The following EIF2A variants were observed in gnomAD, a reference collection of about 807,000 sequenced individuals.
EIF2A encodes the protein eukaryotic translation initiation factor 2A, also known as 65 kDa eukaryotic translation initiation factor 2A.
Under a neutral mutation model 75.2 loss-of-function variants are expected in EIF2A, and 62 were observed. The observed-to-expected ratio is 0.82, with a 90% CI of 0.67 to 1.02. The LOEUF (loss-of-function observed/expected upper bound fraction) is 1.02, where lower values mean the gene tolerates loss of function less well. Among genes scored for constraint, EIF2A ranks in the 50% least tolerant of loss-of-function variants. The probability of loss-of-function intolerance (pLI) is 0.00; values close to 1 mark genes in which losing one functional copy is unlikely to be tolerated. For missense variants in EIF2A, 611 were observed against 677.7 expected (o/e 0.90, Z 1.09); for synonymous variants, 207 against 239.0 (o/e 0.87, Z 1.23).
intron 1 of EIF2A, among the ~76,000 whole-genome samples, chr3:150,547,423 TTAGAAA>T (rs1384161122): frequency 6.6e-6 from 1 of 152,198 alleles, no homozygotes; most frequent in Non-Finnish European, 1.5e-5. Context: ...TATGAGCATA[TTAGAAA>T]TAGAACATTA....
chr3:150,547,489 ATAAACT>A (rs1723102497), intron 1 of EIF2A, among the ~76,000 whole-genome samples: 1 of 152,220 alleles, frequency 6.6e-6, no homozygotes, highest in South Asian at 2.1e-4. Context: ...GGAGGAGATA[ATAAACT>A]TAGATTGGAA....
At chr3:150,554,098 G>T (rs1723448072) in intron 2 of EIF2A, among the ~76,000 whole-genome samples, 1 of 152,130 alleles carries the variant, frequency 6.6e-6, no homozygotes, top group Non-Finnish European at 1.5e-5. Context: ...AGACTAATGA[G>T]ATTTTGTTAA....
intron 3 of EIF2A, among the ~76,000 whole-genome samples, chr3:150,560,716 CTT>C (rs71138455): frequency 2.6e-3 from 309 of 120,660 alleles, no homozygotes; most frequent in African/African-American, 7.0e-3. Flanking sequence ...GATGGAGAGT[CTT>C]TTTTTTTTTT....
chr3:150,579,216 CTTCTT>C (rs1725041774), intron 11 of EIF2A, among the ~76,000 whole-genome samples: 1 of 152,140 alleles, frequency 6.6e-6, no homozygotes, highest in South Asian at 2.1e-4. Context: ...AATATCCCCT[CTTCTT>C]TTATTTACTC....
intron 11 of EIF2A, among the ~76,000 whole-genome samples, chr3:150,578,506 G>A (rs2107969941): frequency 6.6e-6 from 1 of 151,820 alleles, no homozygotes; most frequent in African/African-American, 2.4e-5. Context: ...AGTGTGATCA[G>A]CTGGGCTGAT....
At chr3:150,577,957 G>C (rs961563071) in intron 11 of EIF2A, among the ~76,000 whole-genome samples, 2 of 152,002 alleles carry the variant, frequency 1.3e-5, no homozygotes, top group African/African-American at 4.8e-5. Flanking sequence ...TCAGCTTTAG[G>C]TTATTCCAAG....
chr3:150,563,468 TA>T, intron 4 of EIF2A, 46 bp from the exon 5 acceptor site: 1 of 1,423,704 alleles, frequency 7.0e-7, no homozygotes, highest in Non-Finnish European at 9.6e-7. Flanking sequence ...ATAATCCCTT[TA>T]CAAATGTTAC....
At chr3:150,549,292 C>G (rs1219617205) in intron 1 of EIF2A, among the ~76,000 whole-genome samples, 2 of 150,440 alleles carry the variant, frequency 1.3e-5, no homozygotes, top group Non-Finnish European at 2.9e-5. Flanking sequence ...GATCTTGGCT[C>G]GCTGCAACCT....
Position 150,572,128 on chromosome 3 carries a change from A to T in EIF2A, c.982A>T (p.Ile328Leu). ...NAAYYSPHGHILVLAGFGNLR... is the reference protein window; with the variant it reads ...NAAYYSPHGHLLVLAGFGNLR... ...AGCCTACTATAGCCCTCATGGACAT[A>T]TATTAGTATTAGCTGGATTTGGAAA... Residue 328 changes from isoleucine (I) to leucine (L), a missense_variant, in exon 10 of 14, where the codon ATA (isoleucine) becomes TTA (leucine). Physicochemically the swap from Ile to Leu is conservative, Grantham distance 5. Transcript: ENST00000460851. The T allele has an allele frequency of 6.2e-7, 1 of 1,613,980 alleles. No homozygotes were observed. Among genetic ancestry groups the T allele is most frequent in the Non-Finnish European group, 8.5e-7 (1 of 1,179,890 alleles).
At position 150,572,448 on chromosome 3, in the gene EIF2A, A is replaced by G. The variant is rs200177928; in HGVS notation, c.1302A>G (p.Glu434=). The G allele has an allele frequency of 6.2e-5, 100 of 1,614,058 alleles. No individual in the cohort carries two copies. The Admixed American group carries it at 1.6e-3, about 27-fold the overall frequency. The change falls in exon 10 of 14, where the codon GAA becomes GAG. Residue 434 remains glutamate, a synonymous_variant. Transcript: ENST00000460851. The part of the protein sequence containing the change: ...KTITYQAVPS[E]VPNEEPKVAT... Reference sequence around the variant, plus strand: ...TAACTTACCAAGCAGTTCCAAGTGAAGTACCCAATGAGGAACCTAAAGTTG... The same window carrying G: ...TAACTTACCAAGCAGTTCCAAGTGAGGTACCCAATGAGGAACCTAAAGTTG...
At chr3:150,574,813 T>C (rs1265411327) in intron 10 of EIF2A, among the ~76,000 whole-genome samples, 1 of 152,230 alleles carries the variant, frequency 6.6e-6, no homozygotes, top group East Asian at 1.9e-4. Flanking sequence ...AGAAACTTCA[T>C]GGAGAGCTGG....
rs9830228 is a variant in EIF2A, at chr3:150,584,910, A to G, written c.*999A>G. ...AATTCAAAAAATACAAAGGCATGCA[A>G]TGAAAATTAAGTCTGTTCCACTACC... On this transcript the variant is annotated 3_prime_UTR_variant, in exon 14 of 14. Coordinates refer to ENST00000460851, the MANE Select transcript of EIF2A (RefSeq NM_032025.5). Among the ~76,000 whole-genome samples, 4,549 of 152,164 alleles carry G rather than the reference A, an allele frequency of 0.03. 98 individuals are homozygous for G. Among genetic ancestry groups the G allele is most frequent in the South Asian group, 0.052 (253 of 4,822 alleles).
At chr3:150,567,537 A>G in intron 6 of EIF2A, 156 bp from the exon 7 acceptor site, 1 of 583,290 alleles carries the variant, frequency 1.7e-6, no homozygotes, top group Non-Finnish European at 3.0e-6. Flanking sequence ...CTCCTACCCC[A>G]TGCTTTTTCC....
chr3:150,558,040 A>G (rs1463189645), intron 2 of EIF2A, among the ~76,000 whole-genome samples: 1 of 152,234 alleles, frequency 6.6e-6, no homozygotes, highest in Non-Finnish European at 1.5e-5. Flanking sequence ...AATACTTGAT[A>G]GAATATTCCC....
intron 11 of EIF2A, among the ~76,000 whole-genome samples, chr3:150,576,742 G>A (rs533659935): frequency 4.1e-4 from 63 of 152,288 alleles, no homozygotes; most frequent in African/African-American, 1.4e-3. Flanking sequence ...AGCCATTTGG[G>A]CACTCAGTAT....
Position 150,572,074 on chromosome 3 carries a change from T to C in EIF2A, c.928T>C (p.Phe310Leu). 1 of 1,614,042 alleles carries C rather than the reference T, an allele frequency of 6.2e-7. No individual in the cohort carries two copies. Among genetic ancestry groups the C allele is most frequent in the Non-Finnish European group, 8.5e-7 (1 of 1,179,900 alleles). ...TTTCAACTTGAAATGTGATCCTGTA[T>C]TTGACTTTGGAACTGGTCCTCGTAA... ...TIFNLKCDPV[F>L]DFGTGPRNAA... The change falls in exon 10 of 14, where the codon TTT becomes CTT. Residue 310 changes from phenylalanine (F) to leucine (L), a missense_variant. Physicochemically the swap from Phe to Leu is conservative, Grantham distance 22. Coordinates refer to ENST00000460851, the MANE Select transcript of EIF2A (RefSeq NM_032025.5).
chr3:150,567,028 C>T (rs1344288495), intron 6 of EIF2A: 1 of 152,214 alleles, frequency 6.6e-6, no homozygotes, highest in African/African-American at 2.4e-5. Flanking sequence ...GTCTTATTCT[C>T]CTCTTTGTGA....
chr3:150,547,834 G>C (rs1313874031), intron 1 of EIF2A, among the ~76,000 whole-genome samples: 1 of 152,006 alleles, frequency 6.6e-6, no homozygotes, highest in African/African-American at 2.4e-5. Flanking sequence ...ATCAAACGCC[G>C]AGTATAATCT....
rs1725395222 is a variant in EIF2A at position 150,585,036 on chromosome 3, A to C, written c.*1125A>C. On this transcript the variant is annotated 3_prime_UTR_variant, in exon 14 of 14. Coordinates refer to ENST00000460851, the MANE Select transcript of EIF2A (RefSeq NM_032025.5). ...TAAAAAAAAAAGATGGCATATACTA[A>C]CTGTTCTGTTTGGGGCTTTTTGGTG... is the stretch of plus-strand genomic sequence containing the variant. Among the ~76,000 whole-genome samples the C allele has an allele frequency of 6.6e-6, 1 of 151,952 alleles. No homozygotes were observed. The highest frequency in any genetic ancestry group is 2.4e-5 in the African/African-American group (1 of 41,364).
Sources: gnomAD v4.1 joint callset for allele counts (sites outside exome capture counted in the v4.1 genomes callset) on GRCh38, gnomAD v4.1.1 for gene constraint, MANE v1.5 for transcripts, NCBI Gene and HGNC (gene_info 2026-07-23, HGNC 2026-07-21) for gene names.